ZNF721: variants seen among roughly 807,000 people sequenced by gnomAD.
The protein encoded by ZNF721 is zinc finger protein 721.
Under a neutral mutation model 2.4 loss-of-function variants are expected in ZNF721, and 2 were observed. That is an observed-to-expected ratio of 0.82 (90% CI 0.34 to 2.58). ZNF721 has a LOEUF of 2.58. Among genes scored for constraint, ZNF721 ranks in the 30% most tolerant of loss-of-function variants. The pLI is 0.11. For missense variants in ZNF721, 1,187 were observed against 1,085.5 expected, an observed-to-expected ratio of 1.09 and a Z score of -1.31; for synonymous variants, 398 against 381.8, an observed-to-expected ratio of 1.04 and a Z score of -0.50.
At chr4:468,022 G>A (rs1715309191) in intron 2 of ZNF721, among the ~76,000 whole-genome samples, 1 of 151,954 alleles carries the variant, frequency 6.6e-6, no homozygotes, top group South Asian at 2.1e-4. Context: ...GCTCACACCT[G>A]TAATCCCAGC....
At chr4:481,398 G>A (rs1715766228) in intron 1 of ZNF721, among the ~76,000 whole-genome samples, 1 of 152,162 alleles carries the variant, frequency 6.6e-6, no homozygotes, top group African/African-American at 2.4e-5. Context: ...AGCTCACTGG[G>A]ATTGTGCTTT....
intron 2 of ZNF721, among the ~76,000 whole-genome samples, chr4:464,626 G>A (rs1392369811): frequency 6.6e-6 from 1 of 152,100 alleles, no homozygotes; most frequent in Admixed American, 6.6e-5. Flanking sequence ...GTGTTGAAGG[G>A]AGTAAAACTG....
intron 2 of ZNF721, among the ~76,000 whole-genome samples, chr4:458,765 G>A (rs1036991867): frequency 6.6e-6 from 1 of 152,080 alleles, no homozygotes; most frequent in Non-Finnish European, 1.5e-5. Flanking sequence ...AAAATCGCTG[G>A]AACCCAGGGG....
chr4:470,039 T>G lies in ZNF721; in HGVS notation c.34+2536A>C, dbSNP rs542465460. Among the ~76,000 whole-genome samples the G allele has an allele frequency of 1.9e-4, 29 of 152,266 alleles. No homozygotes were observed. In the South Asian group the frequency reaches 5.8e-3, roughly 30 times the overall value. On this transcript the variant is annotated intron_variant, in intron 2 of 2. Transcript: ENST00000511833. ...CTAGGACTACAGGCATCCGCCACCA[T>G]GCCCAGCTAATTTTTTGTATTTTTA...
rs1714267247 is a variant in ZNF721, at chr4:442,183, A to G, written c.2284T>C (p.Phe762Leu). The change falls in exon 3 of 3, where the codon TTT becomes CTT. Residue 762 changes from phenylalanine (F) to leucine (L), a missense_variant. Phe to Leu is a conservative substitution (Grantham distance 22). Transcript: ENST00000511833. ...LYKCKECGKV[F>L]KQSSHLNRHE... is the part of the protein sequence containing the mutation. The stretch of plus-strand genomic sequence containing the variant: ...CTATTCAGGTGTGAGGACTGTTTAA[A>G]CACTTTCCCACATTCTTTACATTTG... 6.2e-7 allele frequency: 1 copy of G among 1,612,298 alleles called. No individual in the cohort carries two copies. The highest frequency in any genetic ancestry group is 8.5e-7 in the Non-Finnish European group (1 of 1,178,830).
chr4:471,893 A>G (rs1338583286), intron 2 of ZNF721, among the ~76,000 whole-genome samples: 1 of 152,196 alleles, frequency 6.6e-6, no homozygotes, highest in Non-Finnish European at 1.5e-5. Context: ...TAGTTAAACA[A>G]TTTTTATTTA....
At chr4:451,781 C>T (rs532982106) in intron 2 of ZNF721, among the ~76,000 whole-genome samples, 6 of 152,290 alleles carry the variant, frequency 3.9e-5, no homozygotes, top group Admixed American at 1.3e-4. Flanking sequence ...AAAGCGAAAA[C>T]GTGCCATTTT....
At chr4:446,592 G>C (rs552286213) in intron 2 of ZNF721, among the ~76,000 whole-genome samples, 105 of 152,110 alleles carry the variant, frequency 6.9e-4, no homozygotes, top group African/African-American at 2.3e-3. Flanking sequence ...TACTGGCCAG[G>C]CTGGTCTCGA....
intron 2 of ZNF721, among the ~76,000 whole-genome samples, chr4:471,487 C>T (rs1397532482): frequency 6.6e-6 from 1 of 151,994 alleles, no homozygotes; most frequent in Non-Finnish European, 1.5e-5. Flanking sequence ...TTTACATAGA[C>T]GGGTAAATCT....
chr4:491,115 CT>C (rs1553871406), intron 1 of ZNF721, among the ~76,000 whole-genome samples: 1 of 152,080 alleles, frequency 6.6e-6, no homozygotes, highest in Non-Finnish European at 1.5e-5. Context: ...TTACTTCTGG[CT>C]TTTGGGGGCT....
chr4:479,936 G>C (rs115212622), intron 1 of ZNF721, among the ~76,000 whole-genome samples: 137 of 152,220 alleles, frequency 9.0e-4, no homozygotes, highest in African/African-American at 3.2e-3. Context: ...AGGATTGTTT[G>C]GGTGAATGCT....
intron 2 of ZNF721, among the ~76,000 whole-genome samples, chr4:452,526 GAA>G (rs576687285): frequency 1.3e-5 from 2 of 152,174 alleles, no homozygotes; most frequent in South Asian, 4.1e-4. Context: ...ACTGGGGACA[GAA>G]AGAGAGCGTG....
At chr4:494,721 C>T (rs1376628226) in intron 1 of ZNF721, among the ~76,000 whole-genome samples, 1 of 151,960 alleles carries the variant, frequency 6.6e-6, no homozygotes, top group African/African-American at 2.4e-5. Flanking sequence ...TGAGCCAAAT[C>T]AAATATAAAT....
At chr4:463,898 G>C (rs1459090956) in intron 2 of ZNF721, among the ~76,000 whole-genome samples, 1 of 151,822 alleles carries the variant, frequency 6.6e-6, no homozygotes, top group African/African-American at 2.4e-5. Flanking sequence ...TCAGAACTTA[G>C]AGCATAATAA....
chr4:486,075 A>T (rs1470392838), intron 1 of ZNF721, among the ~76,000 whole-genome samples: 1 of 152,176 alleles, frequency 6.6e-6, no homozygotes, highest in African/African-American at 2.4e-5. Flanking sequence ...CATGCACAGC[A>T]GGCTATTCTA....
chr4:491,337 G>A (rs1445336261), intron 1 of ZNF721, among the ~76,000 whole-genome samples: 1 of 152,190 alleles, frequency 6.6e-6, no homozygotes, highest in Admixed American at 6.5e-5. Context: ...AGAATGGCTT[G>A]AATCCAGGAG....
At chr4:453,338 T>C (rs1714732739) in intron 2 of ZNF721, 2 of 152,212 alleles carry the variant, frequency 1.3e-5, no homozygotes, top group African/African-American at 4.8e-5. Context: ...AAATGGTTAA[T>C]TGGGAATAAA....
intron 1 of ZNF721, among the ~76,000 whole-genome samples, chr4:492,018 C>A (rs1553871541): frequency 2.0e-5 from 3 of 151,464 alleles, no homozygotes; most frequent in Admixed American, 6.6e-5. Context: ...AAAAATTAGT[C>A]GGGCGTGGCC....
At chr4:456,449 T>C (rs113333282) in intron 2 of ZNF721, among the ~76,000 whole-genome samples, 206 of 152,356 alleles carry the variant, frequency 1.4e-3, no homozygotes, top group South Asian at 4.6e-3. Context: ...TTATAGGCAA[T>C]AGAAATCTCT....
Sources: allele counts gnomAD v4.1 joint callset (sites outside exome capture counted in the v4.1 genomes callset), GRCh38; gene constraint gnomAD v4.1.1; transcripts MANE v1.5; gene names NCBI Gene and HGNC (gene_info 2026-07-23, HGNC 2026-07-21).